Variants in NUP107 observed in about 807,000 individuals in gnomAD.
NUP107 encodes the protein nuclear pore complex protein Nup107.
NUP107 carries 101 observed loss-of-function variants against 141.0 expected under a neutral mutation model. The observed-to-expected ratio is 0.72, with a 90% CI of 0.61 to 0.84. The LOEUF is 0.84. Among genes scored for constraint, NUP107 ranks in the 40% least tolerant of loss-of-function variants. The pLI is 0.00. For missense variants in NUP107, 941 were observed against 1,102.7 expected, an observed-to-expected ratio of 0.85 and a Z score of 2.08; for synonymous variants, 319 against 363.9, an observed-to-expected ratio of 0.88 and a Z score of 1.41.
At chr12:68,740,694 TC>T (rs772932366) in intron 26 of NUP107, among the ~76,000 whole-genome samples, 102 of 152,204 alleles carry the variant, frequency 6.7e-4, no homozygotes, top group Admixed American at 1.4e-3. Flanking sequence ...GTTTTTTTTT[TC>T]TACACTATTA....
chr12:68,742,284 G>C, intron 27 of NUP107, 71 bp from the exon 28 acceptor site: 1 of 961,432 alleles, frequency 1.0e-6, no homozygotes. Context: ...TAATCAGATC[G>C]ATTAGGTAAC....
rs374462316 is a variant in NUP107, at chr12:68,721,082, A to C, written c.1252-36A>C. On this transcript the variant is annotated intron_variant, in intron 14 of 27. Coordinates refer to ENST00000229179, the MANE Select transcript of NUP107 (RefSeq NM_020401.4). ...GGAAAATTGACATACTAAGAAAAAC[A>C]ATATTTCAAATTTGTTTATATTCAT... The C allele has an allele frequency of 2.8e-5, 39 of 1,390,350 alleles. No individual in the cohort carries two copies. The South Asian group carries it at 4.3e-4, about 15-fold the overall frequency. The allele number at this position is 1,390,350 out of a possible 1,614,324, so 86.1% of individuals were successfully genotyped here. A position where few individuals can be genotyped will look rare whatever the true frequency, so the allele number is the denominator to read the frequency against.
chr12:68,700,956 G>T, intron 7 of NUP107, 103 bp downstream of exon 7: 3 of 1,183,580 alleles, frequency 2.5e-6, no homozygotes, highest in Non-Finnish European at 3.5e-6. Context: ...AATAGGTTTT[G>T]CTATTTTTGA....
At chr12:68,703,478 T>C (rs1323731052) in intron 8 of NUP107, among the ~76,000 whole-genome samples, 1 of 151,940 alleles carries the variant, frequency 6.6e-6, no homozygotes, top group Non-Finnish European at 1.5e-5. Context: ...TGAAATGAAG[T>C]TTCACTCTGT....
At chr12:68,694,317 T>A (rs1941085211) in intron 5 of NUP107, among the ~76,000 whole-genome samples, 1 of 152,258 alleles carries the variant, frequency 6.6e-6, no homozygotes, top group South Asian at 2.1e-4. Flanking sequence ...TCAGATATTT[T>A]TAAATCTGGC....
intron 17 of NUP107, among the ~76,000 whole-genome samples, chr12:68,723,993 A>G (rs1040991895): frequency 1.3e-5 from 2 of 152,232 alleles, no homozygotes; most frequent in South Asian, 2.1e-4. Flanking sequence ...GAAATAAAAC[A>G]AGAAAATTAA....
intron 5 of NUP107, among the ~76,000 whole-genome samples, chr12:68,692,810 T>A (rs1464267028): frequency 6.7e-6 from 1 of 150,186 alleles, no homozygotes; most frequent in Non-Finnish European, 1.5e-5. Flanking sequence ...AGTGGAGTGA[T>A]GGGATCTTGG....
intron 5 of NUP107, among the ~76,000 whole-genome samples, chr12:68,696,346 C>T (rs1876052699): frequency 1.3e-5 from 2 of 150,652 alleles, no homozygotes; most frequent in Non-Finnish European, 2.9e-5. Flanking sequence ...GCCTGGGTGA[C>T]AGAGTGAGAC....
chr12:68,712,696 G>A (rs139222679), intron 10 of NUP107, among the ~76,000 whole-genome samples: 1 of 145,366 alleles, frequency 6.9e-6, no homozygotes, highest in East Asian at 2.0e-4. Flanking sequence ...TTTTTAATGA[G>A]TTAATCTCCT....
intron 5 of NUP107, among the ~76,000 whole-genome samples, chr12:68,696,279 C>T (rs777471361): frequency 6.6e-6 from 1 of 151,932 alleles, no homozygotes; most frequent in African/African-American, 2.4e-5. Context: ...GCAGGAGCAC[C>T]GCTTGAACCT....
chr12:68,727,480 G>A, intron 20 of NUP107, 91 bp downstream of exon 20: 1 of 683,692 alleles, frequency 1.5e-6, no homozygotes, highest in South Asian at 2.1e-5. Context: ...TCAGTGGTAA[G>A]AAAGCATCAG....
At chr12:68,712,854 G>A (rs1876928009) in intron 10 of NUP107, among the ~76,000 whole-genome samples, 1 of 151,980 alleles carries the variant, frequency 6.6e-6, no homozygotes, top group South Asian at 2.1e-4. Context: ...ATATCTATGA[G>A]AAAGAAGATT....
intron 5 of NUP107, among the ~76,000 whole-genome samples, chr12:68,694,482 AC>A (rs1400380563): frequency 2.0e-5 from 3 of 152,258 alleles, no homozygotes; most frequent in African/African-American, 4.8e-5. Context: ...TGAAAAGGCA[AC>A]CCACAGAATG....
At chr12:68,696,069 TAAA>T (rs1310617116) in intron 5 of NUP107, among the ~76,000 whole-genome samples, 2 of 151,908 alleles carry the variant, frequency 1.3e-5, no homozygotes, top group East Asian at 1.9e-4. Flanking sequence ...TCTTGCCAAT[TAAA>T]AAAAATTTTG....
At chr12:68,718,028 A>G (rs1468302429) in intron 12 of NUP107, among the ~76,000 whole-genome samples, 1 of 152,190 alleles carries the variant, frequency 6.6e-6, no homozygotes, top group Non-Finnish European at 1.5e-5. Flanking sequence ...AGTGGGAAGT[A>G]TAGAAGGTAT....
intron 10 of NUP107, 102 bp from the exon 11 acceptor site, chr12:68,713,628 G>A: frequency 1.2e-6 from 1 of 815,060 alleles, no homozygotes; most frequent in South Asian, 1.5e-5. Flanking sequence ...GTTTTTACTG[G>A]GATTGTAGTC....
chr12:68,718,450 G>A (rs923257782), intron 12 of NUP107, among the ~76,000 whole-genome samples: 2 of 152,150 alleles, frequency 1.3e-5, no homozygotes, highest in African/African-American at 4.8e-5. Context: ...TGAACATGCA[G>A]TATCATCAGT....
intron 5 of NUP107, among the ~76,000 whole-genome samples, chr12:68,694,747 C>G (rs1385388826): frequency 6.6e-6 from 1 of 152,086 alleles, no homozygotes; most frequent in African/African-American, 2.4e-5. Flanking sequence ...ACTAAAAATA[C>G]AAAATTAGCT....
chr12:68,703,238 T>C (rs1876420377), intron 8 of NUP107, among the ~76,000 whole-genome samples: 1 of 152,166 alleles, frequency 6.6e-6, no homozygotes, highest in South Asian at 2.1e-4. Flanking sequence ...TAATCAAATA[T>C]TGATTTATAT....
Sources: allele counts gnomAD v4.1 joint callset (sites outside exome capture counted in the v4.1 genomes callset), GRCh38; gene constraint gnomAD v4.1.1; transcripts MANE v1.5; gene names NCBI Gene and HGNC (gene_info 2026-07-23, HGNC 2026-07-21).